The following CCDC68 variants were observed in gnomAD, a reference collection of about 807,000 sequenced individuals.
The protein encoded by CCDC68 is coiled-coil domain-containing protein 68.
A neutral mutation model predicts 47.1 loss-of-function variants in CCDC68; 45 were observed. The observed-to-expected ratio is 0.96, with a 90% CI of 0.75 to 1.23. The LOEUF (loss-of-function observed/expected upper bound fraction) is 1.23. CCDC68 is among the 50% of genes most tolerant of loss of function. CCDC68 has a pLI of 0.00. For missense variants in CCDC68, 353 were observed against 373.6 expected (o/e 0.94, Z 0.45); for synonymous variants, 131 against 129.5 (o/e 1.01, Z -0.08).
chr18:54,954,859 T>C (rs1297573432), intron 1 of CCDC68: 1 of 152,190 alleles, frequency 6.6e-6, no homozygotes, highest in African/African-American at 2.4e-5. Context: ...ACAGTAGTAG[T>C]ATTCTCATCT....
chr18:54,922,649 T>A (rs1048315182), intron 8 of CCDC68, among the ~76,000 whole-genome samples: 1 of 151,784 alleles, frequency 6.6e-6, no homozygotes, highest in Non-Finnish European at 1.5e-5. Flanking sequence ...AACCAGGAGT[T>A]CAAGACCAGC....
intron 8 of CCDC68, among the ~76,000 whole-genome samples, chr18:54,923,031 C>A (rs1439986609): frequency 2.8e-5 from 4 of 142,002 alleles, no homozygotes; most frequent in Admixed American, 1.4e-4. Flanking sequence ...ACACAGAGGG[C>A]AAACAGAAAT....
chr18:54,935,412 A>G (rs1174211576), intron 6 of CCDC68, among the ~76,000 whole-genome samples: 2 of 152,210 alleles, frequency 1.3e-5, no homozygotes, highest in Admixed American at 6.5e-5. Context: ...GAACCATCAT[A>G]GGAGAGAAGA....
intron 1 of CCDC68, among the ~76,000 whole-genome samples, chr18:54,956,534 A>G (rs896242091): frequency 2.0e-5 from 3 of 152,250 alleles, no homozygotes; most frequent in Non-Finnish European, 1.5e-5. Flanking sequence ...AATGGTGAAC[A>G]AAATGCGGCA....
rs1287294800 is a variant in CCDC68, at chr18:54,937,049, GTATAAC to G, written c.346-97_346-92del. 14 of 1,210,832 alleles carry G rather than the reference GTATAAC, an allele frequency of 1.2e-5. No homozygotes were observed. In the Admixed American group the frequency reaches 2.3e-4, roughly 20 times the overall value. 75.0% of individuals were successfully genotyped at this position (1,210,832 alleles called of 1,614,324 possible). On this transcript the variant is annotated intron_variant, in intron 5 of 11. Transcript: ENST00000591504. ...TGATGGGCAATTAAGAACACCAAAGGTATAACTATACCATTTACAGCCTCATAGACA... is the reference window on the plus strand; with the variant it reads ...TGATGGGCAATTAAGAACACCAAAGGTATACCATTTACAGCCTCATAGACA...
At chr18:54,940,745 G>A (rs2044423033) in intron 4 of CCDC68, among the ~76,000 whole-genome samples, 1 of 152,106 alleles carries the variant, frequency 6.6e-6, no homozygotes, top group Non-Finnish European at 1.5e-5. Context: ...ATCTTGGCTG[G>A]GCCAACATCT....
chr18:54,954,817 T>C (rs2044684573), intron 1 of CCDC68: 2 of 152,140 alleles, frequency 1.3e-5, no homozygotes, highest in Non-Finnish European at 2.9e-5. Flanking sequence ...ACAAGATTGA[T>C]TACTCCATCC....
Position 54,902,245 on chromosome 18 carries a change from CA to C in CCDC68, c.*2112del. 6.6e-6 allele frequency: 1 copy of C among 152,168 alleles called. No individual in the cohort carries two copies. Among genetic ancestry groups the C allele is most frequent in the East Asian group, 1.9e-4 (1 of 5,180 alleles). The allele number at this position is 152,168 out of a possible 1,614,324, so 9.4% of individuals were successfully genotyped here. On this transcript the variant is annotated 3_prime_UTR_variant, in exon 12 of 12. Transcript: ENST00000591504. ...TGTTCAAAAATGAGTATAGTGAAAT[CA>C]AAATAAAAACCAACAGTGTCTTTCC... is the stretch of plus-strand genomic sequence containing the variant.
At chr18:54,923,194 C>T (rs76764640) in intron 8 of CCDC68, among the ~76,000 whole-genome samples, 2,106 of 152,158 alleles carry the variant, frequency 0.014, 48 homozygotes, top group African/African-American at 0.048. Flanking sequence ...TAAGACGCCT[C>T]GCAGAGGCAA....
chr18:54,926,874 T>G (rs376477895), intron 8 of CCDC68, among the ~76,000 whole-genome samples: 1 of 152,130 alleles, frequency 6.6e-6, no homozygotes, highest in Non-Finnish European at 1.5e-5. Flanking sequence ...CCCAGAAAGG[T>G]GAATGAAAGG....
chr18:54,935,351 T>TCC (rs900948922), intron 6 of CCDC68, among the ~76,000 whole-genome samples: 152 of 152,152 alleles, frequency 1.0e-3, no homozygotes, highest in African/African-American at 3.6e-3. Context: ...GCAGAATAAC[T>TCC]CCTCAGTGTG....
chr18:54,906,180 G>A (rs1913997579), intron 11 of CCDC68, among the ~76,000 whole-genome samples: 2 of 5,082 alleles, frequency 3.9e-4, no homozygotes, highest in South Asian at 0.25. Flanking sequence ...CCATGAAACT[G>A]GACCCTGGTT....
At chr18:54,946,153 A>C (rs1489062610) in intron 1 of CCDC68, among the ~76,000 whole-genome samples, 1 of 152,264 alleles carries the variant, frequency 6.6e-6, no homozygotes, top group African/African-American at 2.4e-5. Flanking sequence ...CATGAAAATT[A>C]TATGAAGTTC....
chr18:54,926,214 G>A (rs534570605), intron 8 of CCDC68, among the ~76,000 whole-genome samples: 12 of 152,230 alleles, frequency 7.9e-5, no homozygotes, highest in African/African-American at 2.2e-4. Flanking sequence ...AAACATACCC[G>A]AGACTGGGTA....
At chr18:54,914,197 G>T (rs2043905171) in intron 10 of CCDC68, among the ~76,000 whole-genome samples, 1 of 152,180 alleles carries the variant, frequency 6.6e-6, no homozygotes, top group Admixed American at 6.5e-5. Flanking sequence ...AAGCTCAAAT[G>T]GGTGTAGTAA....
At chr18:54,908,881 T>A (rs1293405815) in intron 10 of CCDC68, among the ~76,000 whole-genome samples, 2 of 152,108 alleles carry the variant, frequency 1.3e-5, no homozygotes, top group African/African-American at 4.8e-5. Flanking sequence ...GGCTAATTTT[T>A]GTATTTTGGG....
chr18:54,915,604 A>G (rs376237929), intron 10 of CCDC68, among the ~76,000 whole-genome samples: 3 of 152,172 alleles, frequency 2.0e-5, no homozygotes, highest in East Asian at 3.9e-4. Context: ...CCCAACTTAT[A>G]TGGAATGAAT....
rs754543160 is a variant in CCDC68, at chr18:54,907,844, G to A, written c.892C>T (p.Gln298Ter). Residue 298 changes from glutamine (Q) to a stop codon, truncating the protein, a stop_gained, in exon 11 of 12, where the codon CAG becomes TAG. Coordinates refer to ENST00000591504, the MANE Select transcript of CCDC68 (RefSeq NM_025214.3). LOFTEE classifies it high-confidence loss of function. The part of the protein sequence containing the change: ...LEAQNKELKT[Q>*]VALSSETPRT... ...GGAGTTTCAGATGAAAGTGCTACCT[G>A]GGTTTTTAGTTCTTTATTCTAAAAT... The A allele has an allele frequency of 6.2e-7, 1 of 1,604,482 alleles. No homozygotes were observed. Among genetic ancestry groups the A allele is most frequent in the African/African-American group, 1.3e-5 (1 of 74,644 alleles).
intron 4 of CCDC68, among the ~76,000 whole-genome samples, chr18:54,939,804 CA>C (rs1351182187): frequency 6.6e-6 from 1 of 152,104 alleles, no homozygotes; most frequent in Non-Finnish European, 1.5e-5. Flanking sequence ...CGAGTAACTT[CA>C]AACCATAAGA....
Sources: allele counts gnomAD v4.1 joint callset (sites outside exome capture counted in the v4.1 genomes callset), GRCh38; gene constraint gnomAD v4.1.1; transcripts MANE v1.5; gene names NCBI Gene and HGNC (gene_info 2026-07-23, HGNC 2026-07-21).